The following COL3A1 variants were observed in gnomAD, a reference collection of about 807,000 sequenced individuals.
The protein encoded by COL3A1 is collagen alpha-1(III) chain.
A neutral mutation model predicts 200.9 loss-of-function variants in COL3A1; 46 were observed. The ratio of observed to expected loss-of-function variants is 0.23; its 90% CI spans 0.18 to 0.29. The LOEUF (loss-of-function observed/expected upper bound fraction) is 0.29. Among genes scored for constraint, COL3A1 ranks in the 10% least tolerant of loss-of-function variants. The probability of loss-of-function intolerance (pLI) is 1.00; values close to 1 mark genes in which losing one functional copy is unlikely to be tolerated. For synonymous variants in COL3A1, 650 were observed against 628.0 expected (o/e 1.03, Z -0.52); for missense variants, 1,367 against 1,917.6 (o/e 0.71, Z 5.36).
At chr2:188,985,099 C>A (rs1688037006) in intron 2 of COL3A1, 98 bp from the exon 3 acceptor site, 4 of 1,431,310 alleles carry the variant, frequency 2.8e-6, no homozygotes, top group Admixed American at 1.7e-5. Flanking sequence ...TAAAAAGTGA[C>A]CGTTTCAATT....
At chr2:189,007,209 A>G (rs1002484514) in intron 44 of COL3A1, among the ~76,000 whole-genome samples, 1 of 125,006 alleles carries the variant, frequency 8.0e-6, no homozygotes. Context: ...ATAGATAGAT[A>G]GAACAAATAT....
chr2:188,990,790 A>G (rs574387414), intron 10 of COL3A1, among the ~76,000 whole-genome samples: 1 of 152,300 alleles, frequency 6.6e-6, no homozygotes, highest in African/African-American at 2.4e-5. Context: ...CAACTTTCTT[A>G]TCAGACTAAA....
intron 8 of COL3A1, 21 bp from the exon 9 acceptor site, chr2:188,990,075 A>T: frequency 6.2e-7 from 1 of 1,612,296 alleles, no homozygotes; most frequent in Non-Finnish European, 8.5e-7. Context: ...GCACCTACGT[A>T]TTCTTTATTT....
At chr2:188,993,594 T>A in intron 16 of COL3A1, 135 bp downstream of exon 16, 1 of 779,592 alleles carries the variant, frequency 1.3e-6, no homozygotes, top group Non-Finnish European at 2.2e-6. Flanking sequence ...AATTGTTGCT[T>A]AGTGCTCTAA....
chr2:188,978,979 A>G (rs1254640244), intron 1 of COL3A1, among the ~76,000 whole-genome samples: 2 of 151,940 alleles, frequency 1.3e-5, no homozygotes, highest in Admixed American at 1.3e-4. Context: ...CTTTCAGATT[A>G]ACTAATAAAA....
Position 189,011,684 on chromosome 2 carries a change from G to A in COL3A1, c.4311G>A (p.Val1437=). ...TVFEYRTRKA[V]RLPIVDIAPY... ...TTGAATATCGAACACGCAAGGCTGT[G>A]AGACTACCTATTGTAGATATTGCAC... Residue 1437 remains valine (V), a synonymous_variant, in exon 51 of 51, where the codon GTG becomes GTA. Coordinates refer to ENST00000304636, the MANE Select transcript of COL3A1 (RefSeq NM_000090.4). 6.2e-7 allele frequency: 1 copy of A among 1,614,048 alleles called. No homozygotes were observed. The highest frequency in any genetic ancestry group is 2.2e-5 in the East Asian group (1 of 44,872).
At position 188,994,962 on chromosome 2, in the gene COL3A1, G is replaced by T; in HGVS notation, c.1456-84G>T. 1.3e-6 allele frequency: 2 copies of T among 1,555,630 alleles called. No homozygotes were observed. The highest frequency in any genetic ancestry group is 2.2e-5 in the South Asian group (2 of 89,852). On this transcript the variant is annotated intron_variant, in intron 20 of 50. Coordinates refer to ENST00000304636, the MANE Select transcript of COL3A1 (RefSeq NM_000090.4). The surrounding 1 kb of genome is among the most constrained non-coding windows in gnomAD (Gnocchi z 4.5). ...GAAAATATTGTTTAAAGCATTCTAT[G>T]ACATAAAAATATTTGCCACTCAAGA...
At chr2:188,983,758 T>A (rs1421846993) in intron 1 of COL3A1, among the ~76,000 whole-genome samples, 1 of 151,970 alleles carries the variant, frequency 6.6e-6, no homozygotes, top group South Asian at 2.1e-4. Flanking sequence ...GTACATCATT[T>A]GTTGTTTGCA....
chr2:188,981,139 TG>T (rs1462302168), intron 1 of COL3A1, among the ~76,000 whole-genome samples: 1 of 151,414 alleles, frequency 6.6e-6, no homozygotes, highest in African/African-American at 2.4e-5. Flanking sequence ...TGATTTAACA[TG>T]AAGAATGGAA....
chr2:188,992,568 T>C lies in COL3A1; in HGVS notation c.997-319T>C, dbSNP rs140837686. ...TAATATCCTATGTAAGACATGGCACTTTAAAGAGTCCTACAAAATGGATAA... is the reference window on the plus strand; with the variant it reads ...TAATATCCTATGTAAGACATGGCACCTTAAAGAGTCCTACAAAATGGATAA... On this transcript the variant is annotated intron_variant, in intron 14 of 50. Coordinates refer to ENST00000304636, the MANE Select transcript of COL3A1 (RefSeq NM_000090.4). 3.2e-4 allele frequency among the ~76,000 whole-genome samples: 48 copies of C among 152,214 alleles called. No homozygotes were observed. The East Asian group carries it at 7.6e-3, about 24-fold the overall frequency.
intron 50 of COL3A1, among the ~76,000 whole-genome samples, chr2:189,011,263 G>T (rs991865768): frequency 1.1e-4 from 16 of 152,070 alleles, no homozygotes; most frequent in African/African-American, 3.9e-4. Flanking sequence ...ATTGTTATTT[G>T]TGAACAAAGG....
intron 34 of COL3A1, 25 bp from the exon 35 acceptor site, chr2:189,002,273 C>G (rs1390832506): frequency 6.2e-7 from 1 of 1,604,540 alleles, no homozygotes; most frequent in Non-Finnish European, 8.5e-7. Flanking sequence ...TTCACTGTGA[C>G]TAAGGAGGAT....
intron 22 of COL3A1, 152 bp from the exon 23 acceptor site, chr2:188,995,973 A>C: frequency 2.2e-6 from 2 of 893,082 alleles, no homozygotes; most frequent in South Asian, 1.6e-5. Flanking sequence ...AAGATAGAAC[A>C]CTTGCCTTAG....
intron 27 of COL3A1, 51 bp downstream of exon 27, chr2:188,997,804 T>G (rs1294379454): frequency 6.6e-7 from 1 of 1,508,104 alleles, no homozygotes; most frequent in Non-Finnish European, 9.2e-7. Flanking sequence ...TCAAATTTTT[T>G]TGTGTCCCTA....
rs545079695 is a variant in COL3A1 at position 188,995,202 on chromosome 2, A to C, written c.1509+103A>C. ...GAAAACCTAAATATCTGAAGAATAT[A>C]TATTAGAGTTAAGAAAAATTCCTAA... On this transcript the variant is annotated intron_variant, in intron 21 of 50. Transcript: ENST00000304636. 1.6e-5 allele frequency: 18 copies of C among 1,149,700 alleles called. No homozygotes were observed. The South Asian group carries it at 2.1e-4, about 13-fold the overall frequency. 71.2% of individuals were successfully genotyped at this position (1,149,700 alleles called of 1,614,324 possible).
In COL3A1 at chr2:188,985,608, A is replaced by ATGAATC. The variant is rs1410829154; in HGVS notation, c.334-54_334-53insATCTGA. 3 of 1,073,314 alleles carry ATGAATC rather than the reference A, an allele frequency of 2.8e-6. No individual in the cohort carries two copies. The African/African-American group carries it at 4.7e-5, about 17-fold the overall frequency. 66.5% of individuals were successfully genotyped at this position (1,073,314 alleles called of 1,614,324 possible). On this transcript the variant is annotated intron_variant, in intron 3 of 50. Coordinates refer to ENST00000304636, the MANE Select transcript of COL3A1 (RefSeq NM_000090.4). ...AAAGTAGAGAAACAACAATCTGATA[A>ATGAATC]TGATTGTGAATCACCAGGATTTTTC...
rs920485009 is a variant in COL3A1, at chr2:188,994,936, T to A, written c.1455+105T>A. 1.3e-6 allele frequency: 2 copies of A among 1,548,286 alleles called. No individual in the cohort carries two copies. Among genetic ancestry groups the A allele is most frequent in the Non-Finnish European group, 1.8e-6 (2 of 1,120,852 alleles). The stretch of plus-strand genomic sequence containing the variant: ...AATTTTTCTTAAGTTGAGTGTTCAG[T>A]GAAAATATTGTTTAAAGCATTCTAT... On this transcript the variant is annotated intron_variant, in intron 20 of 50. Coordinates refer to ENST00000304636, the MANE Select transcript of COL3A1 (RefSeq NM_000090.4). The surrounding 1 kb of genome is among the most constrained non-coding windows in gnomAD (Gnocchi z 4.5).
chr2:188,996,648 T>C, intron 24 of COL3A1, 152 bp downstream of exon 24: 2 of 677,444 alleles, frequency 3.0e-6, no homozygotes. Flanking sequence ...GAGCTAAATA[T>C]ATAATTGGTT....
At chr2:188,974,914 C>A (rs1308164557) in intron 1 of COL3A1, among the ~76,000 whole-genome samples, 5 of 152,130 alleles carry the variant, frequency 3.3e-5, no homozygotes, top group Non-Finnish European at 7.4e-5. Flanking sequence ...AGTTATTGGT[C>A]TCTTGCAATA....
Sources: gnomAD v4.1 joint callset for allele counts (sites outside exome capture counted in the v4.1 genomes callset) on GRCh38, gnomAD v4.1.1 for gene constraint, Gnocchi (gnomAD v3.1) non-coding constraint, MANE v1.5 for transcripts, NCBI Gene and HGNC (gene_info 2026-07-23, HGNC 2026-07-21) for gene names.